Variants in CPQ observed in about 807,000 individuals in gnomAD.
The protein encoded by CPQ is carboxypeptidase Q.
In CPQ, 37 loss-of-function variants were observed where a neutral mutation model predicts 45.7. That is an observed-to-expected ratio of 0.81 (90% CI 0.62 to 1.07). CPQ has a LOEUF of 1.07. Among genes scored for constraint, CPQ ranks in the 50% least tolerant of loss-of-function variants. The probability of loss-of-function intolerance (pLI) is 0.00; values close to 1 mark genes in which losing one functional copy is unlikely to be tolerated. For missense variants in CPQ, 537 were observed against 572.9 expected (o/e 0.94, Z 0.64); for synonymous variants, 186 against 205.8 (o/e 0.90, Z 0.82).
Position 96,687,301 on chromosome 8 carries a change from C to T in CPQ, c.-35+41899C>T, listed in dbSNP as rs1809245115. On this transcript the variant is annotated intron_variant, in intron 1 of 7. Coordinates refer to ENST00000220763, the MANE Select transcript of CPQ (RefSeq NM_016134.4). Reference sequence around the variant, plus strand: ...AATCTTAGCTCATCGCAACCTCCGCCTCATAGATTAAAGTGATTCTCCTGC... The same window carrying T: ...AATCTTAGCTCATCGCAACCTCCGCTTCATAGATTAAAGTGATTCTCCTGC... Among the ~76,000 whole-genome samples the T allele has an allele frequency of 2.0e-5, 3 of 152,020 alleles. No homozygotes were observed. In the South Asian group the frequency reaches 6.2e-4, roughly 32 times the overall value.
chr8:97,033,849 T>C (rs1035865159), intron 6 of CPQ, among the ~76,000 whole-genome samples: 1 of 152,170 alleles, frequency 6.6e-6, no homozygotes, highest in Non-Finnish European at 1.5e-5. Flanking sequence ...GAATTATTAA[T>C]ATTCATTATC....
chr8:96,714,634 T>C (rs1398019596), intron 1 of CPQ, among the ~76,000 whole-genome samples: 2 of 152,148 alleles, frequency 1.3e-5, no homozygotes, highest in African/African-American at 4.8e-5. Flanking sequence ...TTTTTTTATC[T>C]GGTATTTCAA....
At chr8:96,970,677 C>CCTCA (rs1351032135) in intron 5 of CPQ, among the ~76,000 whole-genome samples, 7 of 151,988 alleles carry the variant, frequency 4.6e-5, no homozygotes, top group Admixed American at 2.6e-4. Flanking sequence ...CATTCTCCTG[C>CCTCA]CTCAGCCTCA....
intron 7 of CPQ, among the ~76,000 whole-genome samples, chr8:97,116,363 C>A (rs1811593875): frequency 6.6e-6 from 1 of 152,164 alleles, no homozygotes; most frequent in South Asian, 2.1e-4. Context: ...CCATGGTTGG[C>A]CAGCCTGTAA....
intron 2 of CPQ, among the ~76,000 whole-genome samples, chr8:96,830,248 C>G (rs6991153): frequency 2.6e-5 from 4 of 152,060 alleles, no homozygotes; most frequent in Admixed American, 2.6e-4. Context: ...ACCATAGACA[C>G]GTTTTTCTGT....
At chr8:97,130,989 A>G (rs1811945630) in intron 7 of CPQ, among the ~76,000 whole-genome samples, 1 of 152,260 alleles carries the variant, frequency 6.6e-6, no homozygotes. Context: ...GTGACCAAGA[A>G]AGAAAAGCCT....
chr8:96,819,145 C>CACCTTTTAA (rs1205031862), intron 2 of CPQ, among the ~76,000 whole-genome samples: 3 of 152,054 alleles, frequency 2.0e-5, no homozygotes, highest in Admixed American at 6.6e-5. Flanking sequence ...AAATTATCAT[C>CACCTTTTAA]ACACAATTAC....
chr8:96,906,034 G>A (rs1224646695), intron 4 of CPQ, among the ~76,000 whole-genome samples: 1 of 152,048 alleles, frequency 6.6e-6, no homozygotes, highest in Non-Finnish European at 1.5e-5. Context: ...ATGAGAATCA[G>A]TTGAGGCATT....
intron 6 of CPQ, among the ~76,000 whole-genome samples, chr8:97,065,602 A>G (rs1810622526): frequency 6.6e-6 from 1 of 152,180 alleles, no homozygotes; most frequent in African/African-American, 2.4e-5. Context: ...AAGTTCACAG[A>G]GCATACCTTC....
intron 1 of CPQ, among the ~76,000 whole-genome samples, chr8:96,770,073 A>T (rs35616182): frequency 0.057 from 8,671 of 152,252 alleles, 366 homozygotes; most frequent in Non-Finnish European, 0.082. Flanking sequence ...AAGAAGGCAA[A>T]CTAAAAACTT....
At chr8:97,085,154 A>T (rs1482977000) in intron 7 of CPQ, among the ~76,000 whole-genome samples, 2 of 152,014 alleles carry the variant, frequency 1.3e-5, no homozygotes, top group African/African-American at 4.8e-5. Context: ...GAGGCTGATG[A>T]GGGAAGATTG....
intron 1 of CPQ, among the ~76,000 whole-genome samples, chr8:96,653,908 A>G (rs1815606725): frequency 6.6e-6 from 1 of 152,084 alleles, no homozygotes; most frequent in East Asian, 1.9e-4. Flanking sequence ...ATACATAATA[A>G]TTTCTGTATG....
intron 4 of CPQ, among the ~76,000 whole-genome samples, chr8:96,939,262 A>G (rs1052858578): frequency 2.6e-5 from 4 of 152,174 alleles, no homozygotes; most frequent in Non-Finnish European, 5.9e-5. Flanking sequence ...GCAGTTCACA[A>G]TAGGGTTTGG....
chr8:96,858,059 G>A (rs1170049445), intron 3 of CPQ, among the ~76,000 whole-genome samples: 1 of 152,168 alleles, frequency 6.6e-6, no homozygotes, highest in Non-Finnish European at 1.5e-5. Context: ...AGTGAGGTAG[G>A]ATATTGAGGT....
chr8:96,730,095 G>T (rs931829488), intron 1 of CPQ, among the ~76,000 whole-genome samples: 1 of 152,186 alleles, frequency 6.6e-6, no homozygotes, highest in African/African-American at 2.4e-5. Context: ...CCATATTTTT[G>T]TGTCTTGCTT....
chr8:97,064,731 A>G (rs768164601), intron 6 of CPQ, among the ~76,000 whole-genome samples: 2 of 152,184 alleles, frequency 1.3e-5, no homozygotes, highest in Admixed American at 6.6e-5. Context: ...GTAAAATGGA[A>G]TCTGTTTTAG....
At chr8:96,855,902 A>G (rs1811842763) in intron 3 of CPQ, among the ~76,000 whole-genome samples, 1 of 152,184 alleles carries the variant, frequency 6.6e-6, no homozygotes, top group Admixed American at 6.5e-5. Context: ...ATGAAAAGTA[A>G]AAGCTCCATT....
At chr8:96,896,473 C>G (rs1382582692) in intron 4 of CPQ, among the ~76,000 whole-genome samples, 2 of 152,172 alleles carry the variant, frequency 1.3e-5, no homozygotes, top group Non-Finnish European at 2.9e-5. Flanking sequence ...CTTCCTCATA[C>G]TGACCCCCTT....
chr8:96,876,661 T>C (rs1812148767), intron 3 of CPQ, among the ~76,000 whole-genome samples: 1 of 152,166 alleles, frequency 6.6e-6, no homozygotes, highest in Non-Finnish European at 1.5e-5. Context: ...TGTGAAATAC[T>C]TTTTCAGCAT....
Sources: allele counts gnomAD v4.1 joint callset (sites outside exome capture counted in the v4.1 genomes callset), GRCh38; gene constraint gnomAD v4.1.1; transcripts MANE v1.5; gene names NCBI Gene and HGNC (gene_info 2026-07-23, HGNC 2026-07-21).